MAP4: variants seen among roughly 807,000 people sequenced by gnomAD.
MAP4 encodes the protein microtubule-associated protein 4.
In MAP4, 76 loss-of-function variants were observed where a neutral mutation model predicts 170.2. That is an observed-to-expected ratio of 0.45 (90% CI 0.37 to 0.54). The LOEUF (loss-of-function observed/expected upper bound fraction) is 0.54, where lower values mean the gene tolerates loss of function less well. MAP4 is among the 20% of genes least tolerant of loss of function. The probability of loss-of-function intolerance (pLI) is 0.00; values close to 1 mark genes in which losing one functional copy is unlikely to be tolerated. For synonymous variants in MAP4, 909 were observed against 994.5 expected (o/e 0.91, Z 1.62); for missense variants, 2,506 against 2,748.0 (o/e 0.91, Z 1.97).
chr3:47,877,038 C>A (rs1023338031), intron 11 of MAP4: 2 of 167,932 alleles, frequency 1.2e-5, no homozygotes, highest in East Asian at 3.4e-4. Flanking sequence ...TGCATCACCA[C>A]GCCCAGTTAA....
chr3:48,041,214 C>A (rs889535385), intron 1 of MAP4, among the ~76,000 whole-genome samples: 1 of 152,040 alleles, frequency 6.6e-6, no homozygotes, highest in African/African-American at 2.4e-5. Context: ...CGGGTTCAAG[C>A]GATTCTCCTG....
At chr3:47,956,001 T>C (rs1458155001) in intron 3 of MAP4, among the ~76,000 whole-genome samples, 1 of 152,094 alleles carries the variant, frequency 6.6e-6, no homozygotes, top group Non-Finnish European at 1.5e-5. Flanking sequence ...ATTATTCACC[T>C]TTCAAAAAAT....
intron 9 of MAP4, among the ~76,000 whole-genome samples, chr3:47,906,673 A>C (rs990710812): frequency 6.6e-6 from 1 of 151,658 alleles, no homozygotes; most frequent in Non-Finnish European, 1.5e-5. Context: ...ATGAGAGCAA[A>C]ACTCTGTCTC....
upstream of MAP4, among the ~76,000 whole-genome samples, chr3:48,020,525 C>T (rs150144795): frequency 9.5e-4 from 144 of 152,208 alleles, 1 homozygote; most frequent in African/African-American, 3.1e-3. Flanking sequence ...ACTTAACAAG[C>T]ATTTTGTAGT....
intron 10 of MAP4, among the ~76,000 whole-genome samples, chr3:47,885,387 A>AATCT (rs1220196111): frequency 6.6e-6 from 1 of 151,728 alleles, no homozygotes; most frequent in Non-Finnish European, 1.5e-5. Context: ...TCAATCAATC[A>AATCT]ATCAATCAAT....
chr3:47,980,990 T>C (rs1482436020), intron 2 of MAP4, among the ~76,000 whole-genome samples: 9 of 152,196 alleles, frequency 5.9e-5, no homozygotes, highest in Non-Finnish European at 1.0e-4. Flanking sequence ...TTTGGGGGAA[T>C]GTAAATAGGA....
intron 1 of MAP4, among the ~76,000 whole-genome samples, chr3:48,085,173 C>T (rs1490587996): frequency 7.0e-6 from 1 of 142,952 alleles, no homozygotes; most frequent in Non-Finnish European, 1.5e-5. Context: ...TACATAGCAA[C>T]TACTCACGCT....
At chr3:47,895,269 T>C (rs2100026218) in intron 10 of MAP4, among the ~76,000 whole-genome samples, 1 of 152,108 alleles carries the variant, frequency 6.6e-6, no homozygotes, top group South Asian at 2.1e-4. Context: ...TAGTTAAGAG[T>C]CTTAGAAACT....
chr3:48,067,253 C>G (rs2100138777), intron 1 of MAP4, among the ~76,000 whole-genome samples: 1 of 152,206 alleles, frequency 6.6e-6, no homozygotes, highest in African/African-American at 2.4e-5. Context: ...TAAAACTGAA[C>G]ACTCTCATTT....
intron 4 of MAP4, among the ~76,000 whole-genome samples, chr3:47,927,067 G>A (rs991453457): frequency 1.3e-5 from 2 of 151,290 alleles, no homozygotes; most frequent in East Asian, 3.9e-4. Flanking sequence ...GCTGAGGCAG[G>A]AGAATCGCTT....
rs571377183 is a variant in MAP4, at chr3:47,911,190, C to A, written c.3231G>T (p.Lys1077Asn). 2.0e-6 allele frequency: 3 copies of A among 1,536,092 alleles called. No individual in the cohort carries two copies. Among genetic ancestry groups the A allele is most frequent in the East Asian group, 4.9e-5 (2 of 40,914 alleles). ...ATGGCAGCTCAGATTTTGCTTTTAC[C>A]TTCCCAGAATCTGTTCTCATTTTCC... is the stretch of plus-strand genomic sequence containing the variant. The part of the protein sequence containing the change: ...SSGKMRTDSG[K>N]VKAKSELPFL... The change falls in exon 9 of 21, where the codon AAG becomes AAT. Residue 1077 changes from lysine (K) to asparagine (N), a missense_variant. By Grantham distance (94) the Lys-to-Asn change is moderately conservative. Around this residue, in one of 3 missense-constraint regions of MAP4, gnomAD observed 2,008 missense variants for 2,206.0 expected, o/e 0.91. Coordinates refer to ENST00000683076, the MANE Select transcript of MAP4 (RefSeq NM_001385682.1). This position sits in a 1 kb window ranked among gnomAD's most constrained non-coding sequence, Gnocchi z 4.0.
At chr3:47,879,758 T>C (rs1254652730) in intron 10 of MAP4, among the ~76,000 whole-genome samples, 5 of 152,120 alleles carry the variant, frequency 3.3e-5, no homozygotes, top group African/African-American at 1.2e-4. Context: ...TCAATAGGGC[T>C]TCTTCATGTT....
intron 9 of MAP4, among the ~76,000 whole-genome samples, chr3:47,906,364 G>A (rs2100033025): frequency 6.6e-6 from 1 of 151,974 alleles, no homozygotes; most frequent in South Asian, 2.1e-4. Flanking sequence ...AAAAAAAGTT[G>A]GGAAACACCT....
chr3:47,999,776 A>C (rs1053666657), intron 1 of MAP4, among the ~76,000 whole-genome samples: 1 of 152,118 alleles, frequency 6.6e-6, no homozygotes. Flanking sequence ...TCTGTACAAC[A>C]AACCCTTGTG....
chr3:47,858,729 G>T (rs1269979259), intron 17 of MAP4, among the ~76,000 whole-genome samples: 1 of 152,034 alleles, frequency 6.6e-6, no homozygotes, highest in Admixed American at 6.6e-5. Flanking sequence ...CCAGCACTTT[G>T]GGAGGCTGAG....
At chr3:48,044,152 ATTTT>A (rs991959448) in intron 1 of MAP4, among the ~76,000 whole-genome samples, 1 of 140,366 alleles carries the variant, frequency 7.1e-6, no homozygotes, top group African/African-American at 2.7e-5. Context: ...CCGCTCTGTA[ATTTT>A]TTTTTGTTTT....
Position 47,866,351 on chromosome 3 carries a change from C to CA in MAP4, c.6501+894dup, listed in dbSNP as rs556461001. Among the ~76,000 whole-genome samples, 15 of 144,126 alleles carry CA rather than the reference C, an allele frequency of 1.0e-4. No homozygotes were observed. The East Asian group carries it at 1.7e-3, about 16-fold the overall frequency. 94.6% of individuals were successfully genotyped at this position (144,126 alleles called of 152,430 possible). A position where few individuals can be genotyped will look rare whatever the true frequency, so the allele number is the denominator to read the frequency against. On this transcript the variant is annotated intron_variant, in intron 17 of 20. Coordinates refer to ENST00000683076, the MANE Select transcript of MAP4 (RefSeq NM_001385682.1). ...ACTCTGTATCAAAACAAAAACAAAA[C>CA]AAACAAACAAACAAACAAACAAACA...
In MAP4 at chr3:48,030,002, T is replaced by A. The variant is rs985760222; in HGVS notation, c.-19-31123A>T. 1.3e-3 allele frequency among the ~76,000 whole-genome samples: 191 copies of A among 147,008 alleles called. 5 individuals are homozygous for A. In the East Asian group the frequency reaches 0.016, roughly 12 times the overall value. ...AGATTCCATCTCAAAAAAAAAAATATATATATATAATATATGTATTATATA... is the reference window on the plus strand; with the variant it reads ...AGATTCCATCTCAAAAAAAAAAATAAATATATATAATATATGTATTATATA... On this transcript the variant is annotated intron_variant, in intron 1 of 18. Transcript: ENST00000360240.
At chr3:48,019,466 C>T (rs2100109501), upstream of MAP4, among the ~76,000 whole-genome samples, 2 of 152,140 alleles carry the variant, frequency 1.3e-5, no homozygotes, top group Admixed American at 1.3e-4. Context: ...GCTCATATAT[C>T]TGTCAGAAAG....
Sources: allele counts gnomAD v4.1 joint callset (sites outside exome capture counted in the v4.1 genomes callset), GRCh38; gene constraint gnomAD v4.1.1; regional missense constraint gnomAD v4.1.1; non-coding constraint Gnocchi (gnomAD v3.1); transcripts MANE v1.5; gene names NCBI Gene and HGNC (gene_info 2026-07-23, HGNC 2026-07-21).